The following SWT1 variants were observed in gnomAD, a reference collection of about 807,000 sequenced individuals.
SWT1 encodes SWT1 RNA endoribonuclease homolog.
In SWT1, 33 loss-of-function variants were observed where a neutral mutation model predicts 107.3. The observed-to-expected ratio is 0.31, with a 90% CI of 0.23 to 0.41. The LOEUF (loss-of-function observed/expected upper bound fraction) is 0.41. Among genes scored for constraint, SWT1 ranks in the 10% least tolerant of loss-of-function variants. SWT1 has a pLI of 1.00. For synonymous variants in SWT1, 345 were observed against 348.3 expected, an observed-to-expected ratio of 0.99 and a Z score of 0.11; for missense variants, 898 against 1,028.9, an observed-to-expected ratio of 0.87 and a Z score of 1.74.
At chr1:185,206,310 T>G (rs545069699) in intron 12 of SWT1, among the ~76,000 whole-genome samples, 1 of 152,218 alleles carries the variant, frequency 6.6e-6, no homozygotes, top group Admixed American at 6.6e-5. Context: ...AATTTTCTTA[T>G]AGCGATGACT....
At chr1:185,263,053 CTG>C (rs1319101642) in intron 16 of SWT1, among the ~76,000 whole-genome samples, 1 of 152,188 alleles carries the variant, frequency 6.6e-6, no homozygotes, top group Non-Finnish European at 1.5e-5. Flanking sequence ...TTCTGAAGTG[CTG>C]GCATTACAGG....
intron 7 of SWT1, 28 bp downstream of exon 7, chr1:185,182,085 T>A: frequency 6.3e-7 from 1 of 1,584,198 alleles, no homozygotes; most frequent in Non-Finnish European, 8.6e-7. Flanking sequence ...ATGTGTATGC[T>A]CCCCTATGCT....
chr1:185,189,933 C>G (rs1312343955), intron 9 of SWT1, among the ~76,000 whole-genome samples: 1 of 151,716 alleles, frequency 6.6e-6, no homozygotes, highest in Non-Finnish European at 1.5e-5. Flanking sequence ...ACTGCAACCT[C>G]TGCCTCCCAG....
At chr1:185,269,969 A>G (rs533842179) in intron 16 of SWT1, among the ~76,000 whole-genome samples, 1 of 152,218 alleles carries the variant, frequency 6.6e-6, no homozygotes, top group Non-Finnish European at 1.5e-5. Context: ...TATCCCCATT[A>G]TAAGTCAAAG....
intron 18 of SWT1, among the ~76,000 whole-genome samples, chr1:185,277,157 C>T (rs1664296303): frequency 6.6e-6 from 1 of 152,184 alleles, no homozygotes; most frequent in Admixed American, 6.5e-5. Context: ...CTTTTGCATT[C>T]AATCTGTTTT....
intron 10 of SWT1, among the ~76,000 whole-genome samples, chr1:185,192,896 C>T (rs1571463641): frequency 6.6e-6 from 1 of 152,198 alleles, no homozygotes; most frequent in East Asian, 1.9e-4. Context: ...GATCCGGCCA[C>T]CTCGGTCTCC....
chr1:185,178,425 A>G (rs756245560), intron 5 of SWT1, among the ~76,000 whole-genome samples: 2 of 152,334 alleles, frequency 1.3e-5, no homozygotes, highest in Admixed American at 1.3e-4. Flanking sequence ...TCAGGGAAAT[A>G]ATATAATTGT....
At chr1:185,191,922 G>A (rs1656986150) in intron 10 of SWT1, among the ~76,000 whole-genome samples, 6 of 151,974 alleles carry the variant, frequency 3.9e-5, no homozygotes, top group Admixed American at 3.9e-4. Flanking sequence ...TTCTGACATA[G>A]TCGTGTTCCA....
chr1:185,254,541 T>C (rs1003105001), intron 16 of SWT1, among the ~76,000 whole-genome samples: 196 of 148,156 alleles, frequency 1.3e-3, no homozygotes, highest in Non-Finnish European at 2.0e-3. Flanking sequence ...TATCCATTTC[T>C]TCTAGATTTT....
chr1:185,268,421 G>T (rs552852856), intron 16 of SWT1, among the ~76,000 whole-genome samples: 1 of 152,274 alleles, frequency 6.6e-6, no homozygotes, highest in South Asian at 2.1e-4. Flanking sequence ...GGACAAGAAT[G>T]ATATATTTTT....
intron 15 of SWT1, chr1:185,227,261 C>T: frequency 1.3e-6 from 1 of 762,830 alleles, no homozygotes; most frequent in Non-Finnish European, 2.4e-6. Flanking sequence ...GACCTGCATC[C>T]AAATAGCAGG....
intron 9 of SWT1, among the ~76,000 whole-genome samples, chr1:185,187,556 C>T (rs1656599221): frequency 6.6e-6 from 1 of 152,078 alleles, no homozygotes; most frequent in East Asian, 1.9e-4. Flanking sequence ...ATAAACCCTA[C>T]TGTTGAGGAG....
chr1:185,231,537 G>A (rs1454295975), intron 15 of SWT1, 40 bp from the exon 16 acceptor site: 2 of 1,441,404 alleles, frequency 1.4e-6, no homozygotes, highest in Non-Finnish European at 1.9e-6. Flanking sequence ...CATTAAATAT[G>A]TATGTATACC....
At chr1:185,170,526 C>G (rs1654957076) in intron 4 of SWT1, among the ~76,000 whole-genome samples, 1 of 152,198 alleles carries the variant, frequency 6.6e-6, no homozygotes, top group African/African-American at 2.4e-5. Context: ...TTCAGGAGAG[C>G]CTCCAGAGCT....
chr1:185,183,156 A>T (rs1480790149), intron 7 of SWT1, among the ~76,000 whole-genome samples: 1 of 151,950 alleles, frequency 6.6e-6, no homozygotes, highest in Non-Finnish European at 1.5e-5. Context: ...AAAAAAAGTA[A>T]TGCTACCTTA....
In SWT1 at chr1:185,228,169, G is replaced by GTATATATATATATA. The variant is rs757812651; in HGVS notation, c.2310-3401_2310-3388dup. 1.6e-3 allele frequency among the ~76,000 whole-genome samples: 125 copies of GTATATATATATATA among 79,256 alleles called. 3 individuals carry two copies. Among genetic ancestry groups the GTATATATATATATA allele is most frequent in the East Asian group, 0.012 (43 of 3,490 alleles). The allele number at this position is 79,256 out of a possible 152,430, so 52.0% of individuals were successfully genotyped here. ...AGTATGTCACATTAAAAAAAAATGT[G>GTATATATATATATA]TATATATATATATATATATACATAT... On this transcript the variant is annotated intron_variant, in intron 15 of 18. Transcript: ENST00000367500.
At chr1:185,206,283 C>T (rs1474505904) in intron 12 of SWT1, among the ~76,000 whole-genome samples, 2 of 152,122 alleles carry the variant, frequency 1.3e-5, no homozygotes, top group Non-Finnish European at 2.9e-5. Flanking sequence ...CACCCAGTTA[C>T]ATGAAATAAT....
chr1:185,187,681 T>C (rs1363232129), intron 9 of SWT1, among the ~76,000 whole-genome samples: 1 of 152,114 alleles, frequency 6.6e-6, no homozygotes, highest in Non-Finnish European at 1.5e-5. Flanking sequence ...TGAATCTTTT[T>C]AAATTTTTTT....
Position 185,184,415 on chromosome 1 carries a change from G to A in SWT1, c.1240+71G>A, listed in dbSNP as rs1290422186. The A allele has an allele frequency of 5.7e-5, 50 of 882,550 alleles. No homozygotes were observed. In the Admixed American group the frequency reaches 9.6e-4, roughly 17 times the overall value. The allele number at this position is 882,550 out of a possible 1,614,324, so 54.7% of individuals were successfully genotyped here. A position where few individuals can be genotyped will look rare whatever the true frequency, so the allele number is the denominator to read the frequency against. ...TGATATTTTATATTAACAATGATGG[G>A]CTTTTTTTGCCATGAACATGTCTCC... is the stretch of plus-strand genomic sequence containing the variant. On this transcript the variant is annotated intron_variant, in intron 8 of 18. Transcript: ENST00000367500.
Sources: allele counts gnomAD v4.1 joint callset (sites outside exome capture counted in the v4.1 genomes callset), GRCh38; gene constraint gnomAD v4.1.1; transcripts MANE v1.5; gene names NCBI Gene and HGNC (gene_info 2026-07-23, HGNC 2026-07-21).